Variants in SPATS2 observed in about 807,000 individuals in gnomAD.
The protein encoded by SPATS2 is spermatogenesis-associated serine-rich protein 2.
In SPATS2, 38 loss-of-function variants were observed where a neutral mutation model predicts 63.7. The observed-to-expected ratio is 0.60, with a 90% confidence interval of 0.46 to 0.78. SPATS2 has a LOEUF of 0.78. Ranked by LOEUF, SPATS2 falls within the 30% of genes least tolerant of loss-of-function variation. The pLI, the probability that SPATS2 is intolerant of heterozygous loss-of-function variation, is 0.00. For missense variants in SPATS2, 588 were observed against 666.2 expected (o/e 0.88, Z 1.29); for synonymous variants, 207 against 232.9 (o/e 0.89, Z 1.01).
At chr12:49,457,998 T>C (rs1406225779) in intron 2 of SPATS2, among the ~76,000 whole-genome samples, 1 of 152,180 alleles carries the variant, frequency 6.6e-6, no homozygotes, top group African/African-American at 2.4e-5. Flanking sequence ...TTAATCTTGA[T>C]GGAATATTTT....
chr12:49,403,594 T>TACACAC (rs5798102), intron 2 of SPATS2, among the ~76,000 whole-genome samples: 2,592 of 128,456 alleles, frequency 0.02, 29 homozygotes, highest in Admixed American at 0.024. Context: ...TGCCACTGTC[T>TACACAC]ACACACACAC....
chr12:49,375,273 A>G (rs1944080378), intron 2 of SPATS2, among the ~76,000 whole-genome samples: 1 of 151,360 alleles, frequency 6.6e-6, no homozygotes, highest in Non-Finnish European at 1.5e-5. Context: ...CCATTATATG[A>G]TTGTGAATGA....
At chr12:49,367,316 G>GGGGCGAGCCGCTGCCT (rs1362180012), upstream of SPATS2, 11 of 378,904 alleles carry the variant, frequency 2.9e-5, no homozygotes, top group Non-Finnish European at 4.7e-5. Flanking sequence ...GCTCCGGGGC[G>GGGGCGAGCCGCTGCCT]GGGCGAGCCG....
At chr12:49,472,621 A>ATATG (rs1946054773) in intron 3 of SPATS2, among the ~76,000 whole-genome samples, 1 of 147,426 alleles carries the variant, frequency 6.8e-6, no homozygotes, top group African/African-American at 2.5e-5. Context: ...TTATATATAT[A>ATATG]TATATATAAA....
intron 9 of SPATS2, among the ~76,000 whole-genome samples, chr12:49,504,779 T>C (rs1946629492): frequency 6.8e-6 from 1 of 147,658 alleles, no homozygotes; most frequent in African/African-American, 2.5e-5. Context: ...TCTTTTTTTT[T>C]TTTTTTTTTT....
Position 49,518,743 on chromosome 12 carries a change from T to G in SPATS2, c.899-330T>G, listed in dbSNP as rs114068108. On this transcript the variant is annotated intron_variant, in intron 10 of 13. Transcript: ENST00000552918. ...GAAATAAGAGAGATGCTCTTTTCAT[T>G]TTATACCCAACTTACTCTAGATGAA... Among the ~76,000 whole-genome samples the G allele has an allele frequency of 9.0e-3, 1,374 of 152,326 alleles. 15 individuals are homozygous for G. Among genetic ancestry groups the G allele is most frequent in the Middle Eastern group, 0.044 (13 of 294 alleles).
rs555247366 is a variant in SPATS2 at position 49,431,438 on chromosome 12, C to T, written c.-243-29332C>T. Among the ~76,000 whole-genome samples the T allele has an allele frequency of 1.1e-4, 17 of 152,128 alleles. No individual in the cohort carries two copies. In the South Asian group the frequency reaches 1.7e-3, roughly 15 times the overall value. Reference sequence around the variant, plus strand: ...TAATCTTTTGCTTTTTTAGTAGAGACGGGGTTTCACCGTGTTGGTCAGGCT... The same window carrying T: ...TAATCTTTTGCTTTTTTAGTAGAGATGGGGTTTCACCGTGTTGGTCAGGCT... On this transcript the variant is annotated intron_variant, in intron 2 of 13. Transcript: ENST00000552918.
At chr12:49,483,398 G>A (rs928183936) in intron 3 of SPATS2, among the ~76,000 whole-genome samples, 2 of 151,948 alleles carry the variant, frequency 1.3e-5, no homozygotes, top group Admixed American at 6.6e-5. Context: ...TAAGATCTTC[G>A]TTTTTGTAGA....
chr12:49,399,465 T>G (rs1234955310), intron 2 of SPATS2, among the ~76,000 whole-genome samples: 2 of 152,264 alleles, frequency 1.3e-5, no homozygotes, highest in Admixed American at 6.5e-5. Context: ...GCTGGGAAAC[T>G]ACATGAGAAT....
At chr12:49,453,661 A>G (rs1320529261) in intron 2 of SPATS2, among the ~76,000 whole-genome samples, 1 of 151,928 alleles carries the variant, frequency 6.6e-6, no homozygotes, top group East Asian at 1.9e-4. Flanking sequence ...AAAATAAAAG[A>G]AGTTAGCTGG....
At chr12:49,413,846 A>G (rs1944841115) in intron 2 of SPATS2, among the ~76,000 whole-genome samples, 1 of 152,164 alleles carries the variant, frequency 6.6e-6, no homozygotes, top group South Asian at 2.1e-4. Flanking sequence ...CAGGCAGAAG[A>G]TAACCACTGT....
intron 13 of SPATS2, among the ~76,000 whole-genome samples, chr12:49,525,687 C>T (rs557609809): frequency 1.3e-5 from 2 of 152,164 alleles, no homozygotes; most frequent in African/African-American, 4.8e-5. Flanking sequence ...TCTTCCTTAT[C>T]TTTCTTCTTG....
intron 2 of SPATS2, among the ~76,000 whole-genome samples, chr12:49,459,333 ATTATTATTTATT>A (rs1287088218): frequency 2.0e-5 from 3 of 151,836 alleles, no homozygotes; most frequent in East Asian, 1.9e-4. Context: ...CATTATTATT[ATTATTATTTATT>A]TTATTATTTA....
At chr12:49,422,494 TTTTG>T (rs1945000774) in intron 2 of SPATS2, among the ~76,000 whole-genome samples, 1 of 152,228 alleles carries the variant, frequency 6.6e-6, no homozygotes, top group African/African-American at 2.4e-5. Flanking sequence ...ATTTTTGTCT[TTTTG>T]TTTGTTTCAG....
At chr12:49,514,697 T>C in intron 10 of SPATS2, 84 bp downstream of exon 10, 2 of 1,197,866 alleles carry the variant, frequency 1.7e-6, no homozygotes, top group Non-Finnish European at 2.4e-6. Context: ...AAAAGTTCCA[T>C]ATAAATACCA....
intron 8 of SPATS2, among the ~76,000 whole-genome samples, chr12:49,497,481 G>A (rs1458643744): frequency 4.0e-5 from 6 of 148,744 alleles, no homozygotes; most frequent in South Asian, 4.2e-4. Context: ...TGCAAGCTCC[G>A]CCTCCCGGGT....
At chr12:49,471,506 A>G (rs997368121) in intron 3 of SPATS2, among the ~76,000 whole-genome samples, 1 of 152,098 alleles carries the variant, frequency 6.6e-6, no homozygotes, top group African/African-American at 2.4e-5. Context: ...TTTTTTAAAA[A>G]ATTTTTATAG....
chr12:49,520,003 G>A (rs1946914111), intron 11 of SPATS2, among the ~76,000 whole-genome samples: 1 of 148,724 alleles, frequency 6.7e-6, no homozygotes, highest in African/African-American at 2.5e-5. Context: ...TTTTGATTCG[G>A]AGTTTCGCTC....
chr12:49,443,850 T>G (rs1192639134), intron 2 of SPATS2, among the ~76,000 whole-genome samples: 1 of 152,238 alleles, frequency 6.6e-6, no homozygotes, highest in Non-Finnish European at 1.5e-5. Flanking sequence ...TATGTGTGCC[T>G]ATTCTTATGA....
Sources: gnomAD v4.1 joint callset for allele counts (sites outside exome capture counted in the v4.1 genomes callset) on GRCh38, gnomAD v4.1.1 for gene constraint, MANE v1.5 for transcripts, NCBI Gene and HGNC (gene_info 2026-07-23, HGNC 2026-07-21) for gene names.